ZFPM1: variants seen among roughly 807,000 people sequenced by gnomAD.
ZFPM1 encodes zinc finger protein, FOG family member 1, also known as zinc finger protein ZFPM1.
A neutral mutation model predicts 46.3 loss-of-function variants in ZFPM1; 28 were observed. The observed-to-expected ratio is 0.60, with a 90% CI of 0.45 to 0.83. ZFPM1 has a LOEUF of 0.83. Ranked by LOEUF, ZFPM1 falls within the 40% of genes least tolerant of loss-of-function variation. ZFPM1 has a pLI of 0.00. For synonymous variants in ZFPM1, 957 were observed against 675.9 expected (o/e 1.42, Z -6.45); for missense variants, 1,878 against 1,432.4 (o/e 1.31, Z -5.02).
At chr16:88,491,637 A>C (rs1909581767) in intron 3 of ZFPM1, among the ~76,000 whole-genome samples, 1 of 152,110 alleles carries the variant, frequency 6.6e-6, no homozygotes, top group African/African-American at 2.4e-5. Context: ...TGGGGGATGG[A>C]GCCTGGCGCC....
chr16:88,462,544 A>G (rs971239790), intron 1 of ZFPM1, among the ~76,000 whole-genome samples: 2 of 152,186 alleles, frequency 1.3e-5, no homozygotes, highest in African/African-American at 4.8e-5. Context: ...TAGGACCTGC[A>G]TGGCTGCCTG....
chr16:88,527,990 TG>T, intron 5 of ZFPM1, 41 bp from the exon 6 acceptor site: 1 of 1,491,580 alleles, frequency 6.7e-7, no homozygotes. Context: ...GACAGGGAAG[TG>T]GGGCACAAAG....
rs754669212 is a variant in ZFPM1, at chr16:88,532,631, TGCCTGATCTGCCTGTCG to T, written c.969_985del (p.Ile324HisfsTer52). 1 of 1,578,082 alleles carries T rather than the reference TGCCTGATCTGCCTGTCG, an allele frequency of 6.3e-7. No individual in the cohort carries two copies. Among genetic ancestry groups the T allele is most frequent in the Non-Finnish European group, 8.6e-7 (1 of 1,161,690 alleles). On this transcript the variant is annotated frameshift_variant, in exon 8 of 10. Transcript: ENST00000319555. LOFTEE classifies it high-confidence loss of function. Reference sequence around the variant, plus strand: ...TGTTCCAGGAGAGCGGCCCTTCGTGTGCCTGATCTGCCTGTCGGCCTTCACCACCAAGGCCAACTGCG... The same window carrying T: ...TGTTCCAGGAGAGCGGCCCTTCGTGTGCCTTCACCACCAAGGCCAACTGCG...
chr16:88,489,272 C>T lies in ZFPM1; in HGVS notation c.268+119C>T, dbSNP rs553851865. ...TGCAGGTTGCTGGAGACCCACCAGGCCCAGGCCTGTGCCTAGTCCAAAGCT... is the reference window on the plus strand; with the variant it reads ...TGCAGGTTGCTGGAGACCCACCAGGTCCAGGCCTGTGCCTAGTCCAAAGCT... On this transcript the variant is annotated intron_variant, in intron 3 of 9. Transcript: ENST00000319555. The T allele has an allele frequency of 1.6e-5, 23 of 1,418,886 alleles. No homozygotes were observed. In the African/African-American group the frequency reaches 2.0e-4, roughly 12 times the overall value. The allele number at this position is 1,418,886 out of a possible 1,614,324, so 87.9% of individuals were successfully genotyped here. A position where few individuals can be genotyped will look rare whatever the true frequency, so the allele number is the denominator to read the frequency against.
chr16:88,509,895 G>A (rs913421354), intron 3 of ZFPM1, among the ~76,000 whole-genome samples: 2 of 152,138 alleles, frequency 1.3e-5, no homozygotes, highest in Non-Finnish European at 2.9e-5. Context: ...AGGGGGCCAC[G>A]GTTCCTGCGC....
chr16:88,502,064 CCATTT>C (rs764272679), intron 3 of ZFPM1, among the ~76,000 whole-genome samples: 26,138 of 124,954 alleles, frequency 0.21, 2,640 homozygotes, highest in Middle Eastern at 0.27. Flanking sequence ...CCGCCCCCCC[CCATTT>C]ATTTATTTAT....
At chr16:88,532,992 G>T in intron 9 of ZFPM1, 57 bp downstream of exon 9, 1 of 1,603,014 alleles carries the variant, frequency 6.2e-7, no homozygotes, top group Admixed American at 1.7e-5. Context: ...CAGTGGGAAG[G>T]GAGTGGGCTT....
At chr16:88,527,343 G>A (rs1055393281) in intron 5 of ZFPM1, among the ~76,000 whole-genome samples, 2 of 152,338 alleles carry the variant, frequency 1.3e-5, no homozygotes, top group Admixed American at 6.5e-5. Context: ...GGTCAAGGTG[G>A]CCGTCCAGGA....
intron 3 of ZFPM1, among the ~76,000 whole-genome samples, chr16:88,496,811 A>G (rs1909956896): frequency 1.3e-5 from 2 of 152,264 alleles, no homozygotes; most frequent in East Asian, 1.9e-4. Context: ...GACTCCTGGT[A>G]TACAGGGTCT....
At chr16:88,458,719 C>A (rs920776486) in intron 1 of ZFPM1, among the ~76,000 whole-genome samples, 9 of 152,204 alleles carry the variant, frequency 5.9e-5, no homozygotes, top group Non-Finnish European at 2.9e-5. Flanking sequence ...GGCCACCATA[C>A]CCGTGGGTAT....
Position 88,534,535 on chromosome 16 carries a change from C to T in ZFPM1, c.2577C>T (p.Cys859=), listed in dbSNP as rs1443242403. The change falls in exon 10 of 10, where the codon TGC becomes TGT. Residue 859 remains cysteine (C), a synonymous_variant. Coordinates refer to ENST00000319555, the MANE Select transcript of ZFPM1 (RefSeq NM_153813.3). The part of the protein sequence containing the change: ...LGLPAAACPY[C]PPNGPVRGDL... ...TGCCCGCCGCCGCCTGCCCCTACTG[C>T]CCCCCGAACGGCCCGGTGCGCGGGG... The T allele has an allele frequency of 6.5e-6, 9 of 1,394,308 alleles. No homozygotes were observed. The highest frequency in any genetic ancestry group is 8.4e-6 in the Non-Finnish European group (9 of 1,077,038). 86.4% of individuals were successfully genotyped at this position (1,394,308 alleles called of 1,614,324 possible). A position where few individuals can be genotyped will look rare whatever the true frequency, so the allele number is the denominator to read the frequency against.
rs1323494917 is a variant in ZFPM1, at chr16:88,533,773, G to A, written c.1815G>A (p.Ala605=). The change falls in exon 10 of 10, where the codon GCG becomes GCA. Residue 605 remains alanine, a synonymous_variant. Transcript: ENST00000319555. ...HKRLYCSGRR[A]PEDAPAARRP... Reference sequence around the variant, plus strand: ...GCCTCTACTGTTCAGGCCGCCGTGCGCCCGAGGACGCGCCTGCCGCGCGCA... The same window carrying A: ...GCCTCTACTGTTCAGGCCGCCGTGCACCCGAGGACGCGCCTGCCGCGCGCA... 5.8e-6 allele frequency: 8 copies of A among 1,389,888 alleles called. No individual in the cohort carries two copies. The Admixed American group carries it at 2.0e-4, about 34-fold the overall frequency. 86.1% of individuals were successfully genotyped at this position (1,389,888 alleles called of 1,614,324 possible).
chr16:88,534,491 C>T lies in ZFPM1; in HGVS notation c.2533C>T (p.Pro845Ser). 1 of 1,469,960 alleles carries T rather than the reference C, an allele frequency of 6.8e-7. No homozygotes were observed. The highest frequency in any genetic ancestry group is 9.0e-7 in the Non-Finnish European group (1 of 1,115,916). The allele number at this position is 1,469,960 out of a possible 1,614,324, so 91.1% of individuals were successfully genotyped here. A position where few individuals can be genotyped will look rare whatever the true frequency, so the allele number is the denominator to read the frequency against. ...HKKYSCPAAP[P>S]PGALGLPAAA... is the part of the protein sequence containing the mutation. ...GAAGTACTCGTGCCCCGCTGCGCCA[C>T]CGCCCGGCGCGCTCGGCCTGCCCGC... The change falls in exon 10 of 10, where the codon CCG becomes TCG. Residue 845 changes from proline to serine, a missense_variant. Pro to Ser is a moderately conservative substitution (Grantham distance 74, BLOSUM62 -1). Transcript: ENST00000319555.
In ZFPM1 at chr16:88,533,243, G is replaced by C; in HGVS notation, c.1285G>C (p.Asp429His). The C allele has an allele frequency of 6.4e-7, 1 of 1,561,460 alleles. No homozygotes were observed. The highest frequency in any genetic ancestry group is 8.6e-7 in the Non-Finnish European group (1 of 1,160,968). ...GGCGCCCACCCCATCGCCAGGACTG[G>C]ACAGAAAGGCCCTGGCCGAGGCCAC... ...GLAPTPSPGL[D>H]RKALAEATNG... is the part of the protein sequence containing the mutation. The change falls in exon 10 of 10, where the codon GAC (aspartate) becomes CAC (histidine). Residue 429 changes from aspartate (D) to histidine (H), a missense_variant. Asp to His is a moderately conservative substitution (Grantham distance 81). Coordinates refer to ENST00000319555, the MANE Select transcript of ZFPM1 (RefSeq NM_153813.3).
In ZFPM1 at chr16:88,536,130, G is replaced by A. The variant is rs1913236757; in HGVS notation, c.*1151G>A. 6.6e-6 allele frequency: 1 copy of A among 151,916 alleles called. No individual in the cohort carries two copies. The highest frequency in any genetic ancestry group is 6.6e-5 in the Admixed American group (1 of 15,258). 9.4% of individuals were successfully genotyped at this position (151,916 alleles called of 1,614,324 possible). A position where few individuals can be genotyped will look rare whatever the true frequency, so the allele number is the denominator to read the frequency against. On this transcript the variant is annotated 3_prime_UTR_variant, in exon 10 of 10. Transcript: ENST00000319555. ...ACCACCATGCCCAGCTAGTTTTTGT[G>A]TTTTTTGTAGAAATGGTGTCTCCCT...
intron 1 of ZFPM1, among the ~76,000 whole-genome samples, chr16:88,458,633 C>T (rs1907663323): frequency 6.6e-6 from 1 of 152,240 alleles, no homozygotes; most frequent in Non-Finnish European, 1.5e-5. Flanking sequence ...CAGCTGTTGC[C>T]TGGCCGATTG....
At position 88,486,154 on chromosome 16, in the gene ZFPM1, C is replaced by T. The variant is rs151233472; in HGVS notation, c.145+111C>T. ...CTGAGAGGTGTGGGCCAACTATATG[C>T]AGGAGTCCAGGACAGGCGTCTTCCA... On this transcript the variant is annotated intron_variant, in intron 2 of 9. Transcript: ENST00000319555. 2.0e-4 allele frequency: 218 copies of T among 1,113,554 alleles called. No individual in the cohort carries two copies. In the African/African-American group the frequency reaches 2.8e-3, roughly 14 times the overall value. The allele number at this position is 1,113,554 out of a possible 1,614,324, so 69.0% of individuals were successfully genotyped here.
rs548188488 is a variant in ZFPM1 at position 88,471,322 on chromosome 16, C to T, written c.41-14617C>T. 2.0e-5 allele frequency among the ~76,000 whole-genome samples: 3 copies of T among 152,380 alleles called. No homozygotes were observed. Among genetic ancestry groups the T allele is most frequent in the East Asian group, 1.9e-4 (1 of 5,188 alleles). ...CCGCAGGGTCTGGCTTGGGCTATAG[C>T]ATCTAGGCTCTGAGATGACTGTGTC... On this transcript the variant is annotated intron_variant, in intron 1 of 9. Transcript: ENST00000319555. This position sits in a 1 kb window ranked among gnomAD's most constrained non-coding sequence, Gnocchi z 4.1.
In ZFPM1 at chr16:88,504,277, C is replaced by A. The variant is rs146177219; in HGVS notation, c.269-10110C>A. Among the ~76,000 whole-genome samples the A allele has an allele frequency of 6.6e-4, 101 of 152,266 alleles. 1 individual carries two copies. In the Middle Eastern group the frequency reaches 0.01, roughly 15 times the overall value. On this transcript the variant is annotated intron_variant, in intron 3 of 9. Transcript: ENST00000319555. ...GTAAAGAAAATATGTTCTGTGCAAA[C>A]AGCTTATCTGACATCCTGTTTTCAG...
Sources: gnomAD v4.1 joint callset for allele counts (sites outside exome capture counted in the v4.1 genomes callset) on GRCh38, gnomAD v4.1.1 for gene constraint, Gnocchi (gnomAD v3.1) non-coding constraint, MANE v1.5 for transcripts, NCBI Gene and HGNC (gene_info 2026-07-23, HGNC 2026-07-21) for gene names.